ADAM12: variants seen among roughly 807,000 people sequenced by gnomAD.
ADAM12 encodes the protein ADAM metallopeptidase domain 12.
A neutral mutation model predicts 106.4 loss-of-function variants in ADAM12; 70 were observed. That is an observed-to-expected ratio of 0.66 (90% CI 0.54 to 0.80). The LOEUF is 0.80. Ranked by LOEUF, ADAM12 falls within the 30% of genes least tolerant of loss-of-function variation. The pLI, the probability that ADAM12 is intolerant of heterozygous loss-of-function variation, is 0.00. For missense variants in ADAM12, 1,010 were observed against 1,171.9 expected, an observed-to-expected ratio of 0.86 and a Z score of 2.02; for synonymous variants, 420 against 433.5, an observed-to-expected ratio of 0.97 and a Z score of 0.39.
intron 8 of ADAM12, among the ~76,000 whole-genome samples, chr10:126,104,181 G>A (rs1955720368): frequency 6.6e-6 from 1 of 152,218 alleles, no homozygotes; most frequent in East Asian, 1.9e-4. Context: ...TGGACATGGT[G>A]GCTCATGCCT....
Position 126,064,670 on chromosome 10 carries a change from G to A in ADAM12, c.1609+136C>T, listed in dbSNP as rs145426281. ...CCCTCCCTGGGAGTCAATCACTCCC[G>A]ACTGAACACACCGGATGCTGTGTGG... On this transcript the variant is annotated intron_variant, in intron 14 of 22. Coordinates refer to ENST00000448723, the MANE Select transcript of ADAM12 (RefSeq NM_001288973.2). The surrounding 1 kb of genome is among the most constrained non-coding windows in gnomAD (Gnocchi z 4.4). 123 of 958,012 alleles carry A rather than the reference G, an allele frequency of 1.3e-4. 1 individual carries two copies. In the East Asian group the frequency reaches 3.1e-3, roughly 24 times the overall value. The allele number at this position is 958,012 out of a possible 1,614,324, so 59.3% of individuals were successfully genotyped here.
chr10:126,028,493 G>A (rs561602366), intron 21 of ADAM12, among the ~76,000 whole-genome samples: 3 of 152,116 alleles, frequency 2.0e-5, no homozygotes, highest in African/African-American at 7.2e-5. Flanking sequence ...AGAGAACCCA[G>A]GAATAAGACT....
At chr10:126,372,264 G>A (rs1856135783) in intron 1 of ADAM12, among the ~76,000 whole-genome samples, 1 of 152,176 alleles carries the variant, frequency 6.6e-6, no homozygotes, top group Non-Finnish European at 1.5e-5. Context: ...AGCACTGAAT[G>A]AACATATGAA....
intron 5 of ADAM12, among the ~76,000 whole-genome samples, chr10:126,123,594 G>A (rs73378683): frequency 0.083 from 12,577 of 152,162 alleles, 1,281 homozygotes; most frequent in African/African-American, 0.23. Flanking sequence ...CCAGGTTCTG[G>A]GCTGCGCTCC....
intron 1 of ADAM12, among the ~76,000 whole-genome samples, chr10:126,333,004 C>T (rs1334814400): frequency 1.3e-5 from 2 of 152,182 alleles, no homozygotes; most frequent in Non-Finnish European, 2.9e-5. Context: ...AAAATACTAG[C>T]AGTTATGGGG....
chr10:126,352,178 T>C (rs1333517564), intron 1 of ADAM12, among the ~76,000 whole-genome samples: 1 of 152,192 alleles, frequency 6.6e-6, no homozygotes, highest in Non-Finnish European at 1.5e-5. Flanking sequence ...AAAGTCCATT[T>C]GGTATTCCAT....
At chr10:126,256,909 A>ATAT (rs1299511231) in intron 3 of ADAM12, among the ~76,000 whole-genome samples, 1 of 101,230 alleles carries the variant, frequency 9.9e-6, no homozygotes, top group Admixed American at 1.0e-4. Flanking sequence ...TTGGATGGGA[A>ATAT]TAATAATAAT....
rs559317132 is a variant in ADAM12, at chr10:126,017,399, A to G, written c.2661-60T>C. 6.8e-5 allele frequency: 100 copies of G among 1,471,206 alleles called. No individual in the cohort carries two copies. In the Admixed American group the frequency reaches 1.9e-3, roughly 28 times the overall value. 91.1% of individuals were successfully genotyped at this position (1,471,206 alleles called of 1,614,324 possible). A position where few individuals can be genotyped will look rare whatever the true frequency, so the allele number is the denominator to read the frequency against. On this transcript the variant is annotated intron_variant, in intron 22 of 22. Coordinates refer to ENST00000448723, the MANE Select transcript of ADAM12 (RefSeq NM_001288973.2). Reference sequence around the variant, plus strand: ...GACCTTGAGAAGTGATTCTGAGGATAGAGAGGTCTGGGGTTGGAGATGTAT... The same window carrying G: ...GACCTTGAGAAGTGATTCTGAGGATGGAGAGGTCTGGGGTTGGAGATGTAT...
chr10:126,028,398 T>C (rs905055216), intron 21 of ADAM12, among the ~76,000 whole-genome samples: 2 of 152,178 alleles, frequency 1.3e-5, no homozygotes, highest in African/African-American at 4.8e-5. Flanking sequence ...GGCATCACGC[T>C]ACCTGACTTC....
chr10:126,226,633 T>C (rs1453548714), intron 3 of ADAM12, among the ~76,000 whole-genome samples: 1 of 152,232 alleles, frequency 6.6e-6, no homozygotes, highest in South Asian at 2.1e-4. Context: ...ATACCTCCCA[T>C]TCAAGTTTGT....
In ADAM12 at chr10:126,070,183, C is replaced by T. The variant is rs193006665; in HGVS notation, c.1323+1294G>A. Reference sequence around the variant, plus strand: ...CATGATGGTTTTAAGTTTTCCTCTGCTAATCTTGAGAAGAGTTTCTGTAAC... The same window carrying T: ...CATGATGGTTTTAAGTTTTCCTCTGTTAATCTTGAGAAGAGTTTCTGTAAC... On this transcript the variant is annotated intron_variant, in intron 12 of 22. Coordinates refer to ENST00000448723, the MANE Select transcript of ADAM12 (RefSeq NM_001288973.2). Among the ~76,000 whole-genome samples the T allele has an allele frequency of 2.4e-4, 36 of 152,284 alleles. 2 individuals are homozygous for T. Among genetic ancestry groups the T allele is most frequent in the African/African-American group, 8.4e-4 (35 of 41,566 alleles).
chr10:126,299,008 G>C (rs1465848431), intron 2 of ADAM12, among the ~76,000 whole-genome samples: 1 of 152,152 alleles, frequency 6.6e-6, no homozygotes, highest in East Asian at 1.9e-4. Context: ...GAAATACTAA[G>C]GACTTTTCTT....
chr10:126,246,555 C>T (rs927153872), intron 3 of ADAM12, among the ~76,000 whole-genome samples: 8 of 152,154 alleles, frequency 5.3e-5, no homozygotes, highest in Admixed American at 2.6e-4. Context: ...TAGGCTTCAT[C>T]CCTGGGATGC....
At chr10:126,174,382 C>A (rs1401689252) in intron 3 of ADAM12, among the ~76,000 whole-genome samples, 1 of 152,102 alleles carries the variant, frequency 6.6e-6, no homozygotes, top group African/African-American at 2.4e-5. Flanking sequence ...CCAGGCAGTT[C>A]CTCGCTTCTC....
chr10:126,144,394 T>C (rs1205934152), intron 4 of ADAM12, among the ~76,000 whole-genome samples: 1 of 152,194 alleles, frequency 6.6e-6, no homozygotes, highest in African/African-American at 2.4e-5. Context: ...AATACGAACA[T>C]AAATATTTTA....
intron 1 of ADAM12, among the ~76,000 whole-genome samples, chr10:126,331,650 G>A (rs1005940680): frequency 6.6e-6 from 1 of 152,160 alleles, no homozygotes; most frequent in Middle Eastern, 3.2e-3. Context: ...AGAGGACAAG[G>A]AACAGGAATG....
At chr10:126,163,362 T>C (rs1956969964) in intron 3 of ADAM12, among the ~76,000 whole-genome samples, 2 of 152,172 alleles carry the variant, frequency 1.3e-5, no homozygotes, top group African/African-American at 4.8e-5. Flanking sequence ...TAGACTCCCA[T>C]CCTTTTTGGC....
intron 3 of ADAM12, among the ~76,000 whole-genome samples, chr10:126,182,209 G>A (rs775190695): frequency 6.6e-6 from 1 of 152,124 alleles, no homozygotes; most frequent in South Asian, 2.1e-4. Flanking sequence ...CCAAAAACAT[G>A]AACATGTAGA....
intron 1 of ADAM12, among the ~76,000 whole-genome samples, chr10:126,339,021 C>G (rs994805147): frequency 3.3e-5 from 5 of 152,156 alleles, no homozygotes; most frequent in African/African-American, 1.2e-4. Flanking sequence ...CCACCTTCTG[C>G]CAAAATACAC....
Sources: allele counts gnomAD v4.1 joint callset (sites outside exome capture counted in the v4.1 genomes callset), GRCh38; gene constraint gnomAD v4.1.1; non-coding constraint Gnocchi (gnomAD v3.1); transcripts MANE v1.5; gene names NCBI Gene and HGNC (gene_info 2026-07-23, HGNC 2026-07-21).